The following OSBPL1A variants were observed in gnomAD, a reference collection of about 807,000 sequenced individuals.
OSBPL1A encodes the protein oxysterol binding protein like 1A.
OSBPL1A carries 80 observed loss-of-function variants against 137.1 expected under a neutral mutation model. That is an observed-to-expected ratio of 0.58 (90% confidence interval 0.49 to 0.70). The LOEUF (loss-of-function observed/expected upper bound fraction) is 0.70, where lower values mean the gene tolerates loss of function less well. Among genes scored for constraint, OSBPL1A ranks in the 30% least tolerant of loss-of-function variants. The probability of loss-of-function intolerance (pLI) is 0.00; values close to 1 mark genes in which losing one functional copy is unlikely to be tolerated. For missense variants in OSBPL1A, 970 were observed against 1,129.4 expected (o/e 0.86, Z 2.02); for synonymous variants, 365 against 389.7 (o/e 0.94, Z 0.75).
rs1367911575 is a variant in OSBPL1A at position 24,211,865 on chromosome 18, C to A, written c.1601+13177G>T. ...GTAATCCCAGCTACTCGGGAGATTG[C>A]ACCATTGCACTCCAGCCTGGGCAAC... On this transcript the variant is annotated intron_variant, in intron 17 of 27. Coordinates refer to ENST00000319481, the MANE Select transcript of OSBPL1A (RefSeq NM_080597.4). Among the ~76,000 whole-genome samples, 4 of 150,348 alleles carry A rather than the reference C, an allele frequency of 2.7e-5. No individual in the cohort carries two copies. In the Admixed American group the frequency reaches 2.7e-4, roughly 10 times the overall value.
At chr18:24,390,977 G>A (rs1907313741) in intron 1 of OSBPL1A, among the ~76,000 whole-genome samples, 1 of 152,030 alleles carries the variant, frequency 6.6e-6, no homozygotes, top group Non-Finnish European at 1.5e-5. Context: ...GTGCGTGCCT[G>A]TAGTCCCAGC....
chr18:24,382,580 T>A (rs1009768106), intron 1 of OSBPL1A, among the ~76,000 whole-genome samples: 25 of 150,992 alleles, frequency 1.7e-4, no homozygotes, highest in East Asian at 5.9e-4. Context: ...CTCAAAAAAA[T>A]TTTTTTTAAT....
intron 14 of OSBPL1A, among the ~76,000 whole-genome samples, chr18:24,281,849 G>T (rs1156762209): frequency 6.6e-6 from 1 of 152,230 alleles, no homozygotes; most frequent in Non-Finnish European, 1.5e-5. Context: ...CTGTGGTCCT[G>T]TTAGGAACCT....
At chr18:24,361,333 T>G (rs542962865) in intron 4 of OSBPL1A, among the ~76,000 whole-genome samples, 2 of 152,152 alleles carry the variant, frequency 1.3e-5, no homozygotes, top group Non-Finnish European at 2.9e-5. Flanking sequence ...GGCAGTGATG[T>G]TTTTTTGTGA....
At position 24,240,998 on chromosome 18, in the gene OSBPL1A, C is replaced by T. The variant is rs563262177; in HGVS notation, c.1282-1616G>A. 1.5e-4 allele frequency among the ~76,000 whole-genome samples: 23 copies of T among 152,272 alleles called. No individual in the cohort carries two copies. The South Asian group carries it at 4.6e-3, about 30-fold the overall frequency. On this transcript the variant is annotated intron_variant, in intron 15 of 27. Transcript: ENST00000319481. ...ACGTCTACCACCATCTGATCTTTGA[C>T]AAACCTGACAAAAACAAGCAATGGG...
intron 18 of OSBPL1A, among the ~76,000 whole-genome samples, chr18:24,184,731 CAG>C (rs752531394): frequency 6.6e-6 from 1 of 152,178 alleles, no homozygotes; most frequent in East Asian, 1.9e-4. Flanking sequence ...CATCACCTCA[CAG>C]AGAGAGGGGA....
chr18:24,278,731 C>A (rs533610905), intron 15 of OSBPL1A, among the ~76,000 whole-genome samples: 1 of 152,272 alleles, frequency 6.6e-6, no homozygotes, highest in Admixed American at 6.5e-5. Flanking sequence ...ACATAAGAGA[C>A]ATGAGTGAAA....
chr18:24,185,254 A>T (rs72883241), intron 18 of OSBPL1A, among the ~76,000 whole-genome samples: 5,298 of 152,200 alleles, frequency 0.035, 126 homozygotes, highest in Middle Eastern at 0.088. Flanking sequence ...TGAACACGGA[A>T]CACCAAGAGT....
At chr18:24,286,830 C>T (rs558426302) in intron 14 of OSBPL1A, among the ~76,000 whole-genome samples, 4 of 152,108 alleles carry the variant, frequency 2.6e-5, no homozygotes, top group African/African-American at 9.7e-5. Context: ...GGAGTGGCAG[C>T]CACGTGGCAG....
chr18:24,304,502 AATT>A (rs2090463939), intron 13 of OSBPL1A, among the ~76,000 whole-genome samples: 1 of 152,204 alleles, frequency 6.6e-6, no homozygotes, highest in African/African-American at 2.4e-5. Flanking sequence ...TAAGCAAGAA[AATT>A]ATTATTGTAA....
intron 17 of OSBPL1A, 120 bp from the exon 18 acceptor site, chr18:24,196,320 A>G (rs2087029479): frequency 1.4e-6 from 1 of 695,188 alleles, no homozygotes; most frequent in Admixed American, 2.5e-5. Flanking sequence ...AATGTGTGTC[A>G]TCACAGACAG....
At chr18:24,368,565 AC>A (rs773895071) in intron 2 of OSBPL1A, 193 bp from the exon 3 acceptor site, 36 of 518,626 alleles carry the variant, frequency 6.9e-5, no homozygotes, top group East Asian at 5.3e-4. Context: ...ATCTGGTGCC[AC>A]CTTCTGACTC....
intron 15 of OSBPL1A, among the ~76,000 whole-genome samples, chr18:24,243,483 C>T (rs1462386235): frequency 6.6e-6 from 1 of 152,132 alleles, no homozygotes; most frequent in African/African-American, 2.4e-5. Context: ...TTAACGAGTA[C>T]ATACATTTTA....
At chr18:24,308,117 CTTTT>C (rs55806542) in intron 13 of OSBPL1A, among the ~76,000 whole-genome samples, 1 of 130,496 alleles carries the variant, frequency 7.7e-6, no homozygotes. Flanking sequence ...CTGCTCATTA[CTTTT>C]TTTTTTTTTT....
chr18:24,327,901 G>A (rs1032031329), intron 7 of OSBPL1A, among the ~76,000 whole-genome samples: 5 of 150,320 alleles, frequency 3.3e-5, no homozygotes, highest in African/African-American at 1.2e-4. Context: ...ACTGGTATTT[G>A]TATGGAACTA....
Position 24,181,297 on chromosome 18 carries a change from T to C in OSBPL1A, c.1678-18A>G, listed in dbSNP as rs199790149. On this transcript the variant is annotated intron_variant, in intron 18 of 27. Coordinates refer to ENST00000319481, the MANE Select transcript of OSBPL1A (RefSeq NM_080597.4). ...GATAGTTCCTATTTAACCAGAAAAT[T>C]GAAAGTGTTATGTCCCATATACATA... The C allele has an allele frequency of 6.9e-5, 112 of 1,613,250 alleles. No homozygotes were observed. The African/African-American group carries it at 1.3e-3, about 19-fold the overall frequency.
intron 14 of OSBPL1A, among the ~76,000 whole-genome samples, chr18:24,291,432 A>G (rs1050360691): frequency 6.6e-6 from 1 of 152,178 alleles, no homozygotes; most frequent in African/African-American, 2.4e-5. Context: ...AAGAAACTAA[A>G]GCTAGAAAAT....
intron 15 of OSBPL1A, among the ~76,000 whole-genome samples, chr18:24,259,227 T>A (rs1258784257): frequency 6.6e-6 from 1 of 152,118 alleles, no homozygotes; most frequent in Non-Finnish European, 1.5e-5. Flanking sequence ...TCTTTTTAAC[T>A]CCGTATTAAA....
At chr18:24,263,392 G>A (rs72884862) in intron 15 of OSBPL1A, among the ~76,000 whole-genome samples, 8,022 of 152,138 alleles carry the variant, frequency 0.053, 293 homozygotes, top group African/African-American at 0.095. Context: ...AAATGGTTAC[G>A]ATGGTAAATC....
Sources: allele counts gnomAD v4.1 joint callset (sites outside exome capture counted in the v4.1 genomes callset), GRCh38; gene constraint gnomAD v4.1.1; transcripts MANE v1.5; gene names NCBI Gene and HGNC (gene_info 2026-07-23, HGNC 2026-07-21).